Variants in ZCCHC10 observed in about 807,000 individuals in gnomAD.
ZCCHC10 encodes zinc finger CCHC domain-containing protein 10.
A neutral mutation model predicts 19.5 loss-of-function variants in ZCCHC10; 16 were observed. The ratio of observed to expected loss-of-function variants is 0.82; its 90% CI spans 0.56 to 1.25. ZCCHC10 has a LOEUF of 1.25. Among genes scored for constraint, ZCCHC10 ranks in the 50% most tolerant of loss-of-function variants. ZCCHC10 has a pLI of 0.00. For missense variants in ZCCHC10, 197 were observed against 201.0 expected (o/e 0.98, Z 0.12); for synonymous variants, 67 against 72.5 (o/e 0.92, Z 0.38).
intron 2 of ZCCHC10, among the ~76,000 whole-genome samples, chr5:133,018,077 G>A (rs554934741): frequency 3.2e-4 from 49 of 151,422 alleles, no homozygotes; most frequent in Non-Finnish European, 5.6e-4. Flanking sequence ...ACCAGGAGGC[G>A]GAGGGTGCAG....
intron 1 of ZCCHC10, among the ~76,000 whole-genome samples, chr5:133,025,091 C>T (rs761847632): frequency 6.6e-6 from 1 of 152,028 alleles, no homozygotes; most frequent in Admixed American, 6.6e-5. Flanking sequence ...GATAAACACA[C>T]ATACATATAC....
intron 2 of ZCCHC10, among the ~76,000 whole-genome samples, chr5:133,010,380 G>T (rs1426611733): frequency 6.6e-6 from 1 of 151,940 alleles, no homozygotes; most frequent in African/African-American, 2.4e-5. Context: ...AAAGGGTCAG[G>T]TAGTAAATAT....
intron 2 of ZCCHC10, among the ~76,000 whole-genome samples, chr5:133,015,266 AC>A (rs775585503): frequency 2.6e-5 from 4 of 152,076 alleles, no homozygotes; most frequent in Non-Finnish European, 5.9e-5. Context: ...TTTAGCAGAT[AC>A]AGGGTTTCAC....
chr5:133,005,352 C>T (rs1458368804), intron 3 of ZCCHC10, among the ~76,000 whole-genome samples: 1 of 151,974 alleles, frequency 6.6e-6, no homozygotes, highest in Non-Finnish European at 1.5e-5. Flanking sequence ...GTGGCTCATG[C>T]CTATAATCCC....
rs1263251988 is a variant in ZCCHC10 at position 133,022,893 on chromosome 5, ACT to A, written c.53_54del (p.Glu18ValfsTer18). On this transcript the variant is annotated frameshift_variant, in exon 2 of 5. Coordinates refer to ENST00000509437, the MANE Select transcript of ZCCHC10 (RefSeq NM_001300816.3). LOFTEE classifies it high-confidence loss of function. The part of the protein sequence containing the change: ...LIARRQAFDT[E>X]LQPVKTFWIL... Reference sequence around the variant, plus strand: ...ATCCAAAAGGTCTTGACAGGCTGCAACTCTGTGTCGAATCTAACAAGATGAAA... The same window carrying A: ...ATCCAAAAGGTCTTGACAGGCTGCAACTGTGTCGAATCTAACAAGATGAAA... 4 of 602,222 alleles carry A rather than the reference ACT, an allele frequency of 6.6e-6. No individual in the cohort carries two copies. The highest frequency in any genetic ancestry group is 1.2e-5 in the Non-Finnish European group (4 of 340,248). The allele number at this position is 602,222 out of a possible 1,614,324, so 37.3% of individuals were successfully genotyped here.
intron 3 of ZCCHC10, among the ~76,000 whole-genome samples, chr5:133,005,411 G>C (rs1763053255): frequency 6.6e-6 from 1 of 152,130 alleles, no homozygotes; most frequent in South Asian, 2.1e-4. Flanking sequence ...TCAGGAGTTT[G>C]AGACCACCCT....
At chr5:133,010,216 T>C (rs1763408925) in intron 2 of ZCCHC10, among the ~76,000 whole-genome samples, 1 of 151,808 alleles carries the variant, frequency 6.6e-6, no homozygotes, top group Non-Finnish European at 1.5e-5. Flanking sequence ...GCACGGCTAA[T>C]TTTTTTTATT....
intron 2 of ZCCHC10, among the ~76,000 whole-genome samples, chr5:133,012,773 G>A (rs140845062): frequency 0.015 from 2,273 of 151,898 alleles, 64 homozygotes; most frequent in African/African-American, 0.052. Flanking sequence ...AAAATAGGCC[G>A]GGTGTGGTGG....
At chr5:133,018,044 C>G (rs2126636045) in intron 2 of ZCCHC10, among the ~76,000 whole-genome samples, 1 of 151,264 alleles carries the variant, frequency 6.6e-6, no homozygotes, top group East Asian at 2.0e-4. Flanking sequence ...GCGTGGGAGG[C>G]TGAGGCCTAT....
At chr5:133,003,869 C>T (rs891208149) in intron 3 of ZCCHC10, among the ~76,000 whole-genome samples, 2 of 152,106 alleles carry the variant, frequency 1.3e-5, no homozygotes, top group African/African-American at 4.8e-5. Context: ...ACCACCGCAC[C>T]TAGCTAATTT....
rs1209549115 is a variant in ZCCHC10 at position 133,014,234 on chromosome 5, G to A, written c.108-7314C>T. ...GAGTGCAATGGCGCGATTTCAGCTC[G>A]CTACAACCTCCGCCTCCCAGGTTCA... is the stretch of plus-strand genomic sequence containing the variant. On this transcript the variant is annotated intron_variant, in intron 2 of 4. Coordinates refer to ENST00000509437, the MANE Select transcript of ZCCHC10 (RefSeq NM_001300816.3). 3.5e-5 allele frequency among the ~76,000 whole-genome samples: 5 copies of A among 142,974 alleles called. No individual in the cohort carries two copies. The South Asian group carries it at 8.6e-4, about 25-fold the overall frequency. 93.8% of individuals were successfully genotyped at this position (142,974 alleles called of 152,430 possible). A position where few individuals can be genotyped will look rare whatever the true frequency, so the allele number is the denominator to read the frequency against.
intron 4 of ZCCHC10, 91 bp from the exon 5 acceptor site, chr5:132,998,941 A>C: frequency 1.3e-6 from 2 of 1,512,324 alleles, no homozygotes; most frequent in Non-Finnish European, 8.9e-7. Flanking sequence ...TTCGAGACAG[A>C]GTCTTGCTCT....
At chr5:133,026,386 T>C (rs1469635400) in intron 1 of ZCCHC10, 111 bp downstream of exon 1, 3 of 1,462,842 alleles carry the variant, frequency 2.1e-6, no homozygotes, top group African/African-American at 2.8e-5. Flanking sequence ...AGAAGAGTGT[T>C]TGAGAAACGG....
At chr5:133,015,958 A>G (rs1257492099) in intron 2 of ZCCHC10, among the ~76,000 whole-genome samples, 1 of 152,134 alleles carries the variant, frequency 6.6e-6, no homozygotes, top group Non-Finnish European at 1.5e-5. Flanking sequence ...TTTCCATTTT[A>G]TTCAATGGGT....
chr5:133,006,486 A>G (rs1005916975), intron 3 of ZCCHC10, among the ~76,000 whole-genome samples: 3 of 152,166 alleles, frequency 2.0e-5, no homozygotes, highest in African/African-American at 7.2e-5. Context: ...CTGTATGACA[A>G]TGAGTAAGTT....
intron 2 of ZCCHC10, 99 bp from the exon 3 acceptor site, chr5:133,007,019 C>T: frequency 1.7e-6 from 2 of 1,150,778 alleles, no homozygotes; most frequent in South Asian, 4.3e-5. Flanking sequence ...TATGTTTACT[C>T]TTATGGTCCA....
rs554386427 is a variant in ZCCHC10 at position 133,014,445 on chromosome 5, G to A, written c.108-7525C>T. Among the ~76,000 whole-genome samples, 24 of 152,174 alleles carry A rather than the reference G, an allele frequency of 1.6e-4. No individual in the cohort carries two copies. The South Asian group carries it at 3.7e-3, about 24-fold the overall frequency. On this transcript the variant is annotated intron_variant, in intron 2 of 4. Coordinates refer to ENST00000509437, the MANE Select transcript of ZCCHC10 (RefSeq NM_001300816.3). ...CTCCCAAAGTGCTGGGATTACAGGC[G>A]TGAGCCACCGCGCCCAGACCTATTT...
At chr5:133,016,942 C>G (rs1373279469) in intron 2 of ZCCHC10, among the ~76,000 whole-genome samples, 8 of 151,960 alleles carry the variant, frequency 5.3e-5, no homozygotes, top group South Asian at 2.1e-4. Flanking sequence ...GCAGGCCCCC[C>G]CCAGACACAT....
chr5:133,014,337 T>C (rs1318497972), intron 2 of ZCCHC10, among the ~76,000 whole-genome samples: 2 of 152,084 alleles, frequency 1.3e-5, no homozygotes, highest in Admixed American at 6.6e-5. Flanking sequence ...TTTTTTTTTG[T>C]ATTTTTAGTA....
Sources: gnomAD v4.1 joint callset for allele counts (sites outside exome capture counted in the v4.1 genomes callset) on GRCh38, gnomAD v4.1.1 for gene constraint, MANE v1.5 for transcripts, NCBI Gene and HGNC (gene_info 2026-07-23, HGNC 2026-07-21) for gene names.